C1orf185: variants seen among roughly 807,000 people sequenced by gnomAD.
C1orf185 encodes chromosome 1 open reading frame 185.
Under a neutral mutation model 16.1 loss-of-function variants are expected in C1orf185, and 13 were observed. The ratio of observed to expected loss-of-function variants is 0.81; its 90% confidence interval spans 0.53 to 1.28. C1orf185 has a LOEUF of 1.28. Among genes scored for constraint, C1orf185 ranks in the 50% most tolerant of loss-of-function variants. The pLI is 0.00. For missense variants in C1orf185, 220 were observed against 225.2 expected, an observed-to-expected ratio of 0.98 and a Z score of 0.15; for synonymous variants, 80 against 76.9, an observed-to-expected ratio of 1.04 and a Z score of -0.21.
intron 3 of C1orf185, among the ~76,000 whole-genome samples, chr1:51,123,860 A>T (rs1262456196): frequency 6.6e-6 from 1 of 151,698 alleles, no homozygotes; most frequent in African/African-American, 2.4e-5. Context: ...TGATTTTCTT[A>T]TTGCTGAGTT....
chr1:51,148,575 T>C (rs1001467875), downstream of C1orf185, among the ~76,000 whole-genome samples: 5 of 152,208 alleles, frequency 3.3e-5, no homozygotes, highest in African/African-American at 1.2e-4. Context: ...AATATTACCA[T>C]GTTATGCTTT....
At chr1:51,138,351 A>G (rs11801530) in intron 3 of C1orf185, among the ~76,000 whole-genome samples, 21,144 of 152,226 alleles carry the variant, frequency 0.14, 2,846 homozygotes, top group African/African-American at 0.35. Context: ...ATAGCATTAA[A>G]TGTATTCACG....
intron 2 of C1orf185, 29 bp downstream of exon 2, chr1:51,112,598 C>CT: frequency 6.8e-7 from 1 of 1,475,136 alleles, no homozygotes; most frequent in Non-Finnish European, 9.1e-7. Context: ...TTTCTTTAAC[C>CT]TTTTTTTCTT....
rs531348492 is a variant in C1orf185, at chr1:51,118,162, C to A, written c.123-504C>A. ...CTTGAACTCCTGACCTCAAGTGATC[C>A]GCCCGCCTTGACCTCCCAAAGTGCT... On this transcript the variant is annotated intron_variant, in intron 2 of 4. Coordinates refer to ENST00000371759, the MANE Select transcript of C1orf185 (RefSeq NM_001136508.2). Among the ~76,000 whole-genome samples, 121 of 152,310 alleles carry A rather than the reference C, an allele frequency of 7.9e-4. 2 individuals carry two copies. The highest frequency in any genetic ancestry group is 2.1e-3 in the Admixed American group (32 of 15,300).
At chr1:51,126,487 C>T (rs1382397939) in intron 3 of C1orf185, among the ~76,000 whole-genome samples, 2 of 152,152 alleles carry the variant, frequency 1.3e-5, no homozygotes, top group African/African-American at 4.8e-5. Flanking sequence ...TCTCGAACTC[C>T]TGGGCTCAAG....
chr1:51,125,901 T>C lies in C1orf185; in HGVS notation c.258+7100T>C, dbSNP rs527741241. Among the ~76,000 whole-genome samples, 3 of 152,284 alleles carry C rather than the reference T, an allele frequency of 2.0e-5. No homozygotes were observed. In the South Asian group the frequency reaches 6.2e-4, roughly 32 times the overall value. ...AGCTAGGTGCGGTGGCTCATACTTG[T>C]AATCCCAGCACTTTGGGTTGCTGAG... On this transcript the variant is annotated intron_variant, in intron 3 of 4. Coordinates refer to ENST00000371759, the MANE Select transcript of C1orf185 (RefSeq NM_001136508.2).
At chr1:51,127,738 A>G (rs966009405) in intron 3 of C1orf185, among the ~76,000 whole-genome samples, 68 of 152,082 alleles carry the variant, frequency 4.5e-4, no homozygotes, top group African/African-American at 1.5e-3. Context: ...CTTTCTATTG[A>G]TAAGTGGTAG....
At chr1:51,110,243 T>G (rs1476703652) in intron 1 of C1orf185, among the ~76,000 whole-genome samples, 1 of 152,206 alleles carries the variant, frequency 6.6e-6, no homozygotes, top group African/African-American at 2.4e-5. Flanking sequence ...TTAATGTTTA[T>G]AAAGCACTTT....
chr1:51,129,187 G>A (rs933353138), intron 3 of C1orf185, among the ~76,000 whole-genome samples: 12 of 152,006 alleles, frequency 7.9e-5, no homozygotes, highest in Admixed American at 1.3e-4. Flanking sequence ...GCCTGGCCAC[G>A]CAGCTAAATT....
chr1:51,136,285 T>C, intron 3 of C1orf185, among the ~76,000 whole-genome samples: 1 of 152,058 alleles, frequency 6.6e-6, no homozygotes, highest in East Asian at 1.9e-4. Context: ...ATTGACATTC[T>C]TCATAGAACT....
rs750692109 is a variant in C1orf185 at position 51,147,781 on chromosome 1, AG to A, written c.*11del. The A allele has an allele frequency of 6.7e-7, 1 of 1,491,476 alleles. No homozygotes were observed. Among genetic ancestry groups the A allele is most frequent in the South Asian group, 1.3e-5 (1 of 75,630 alleles). The allele number at this position is 1,491,476 out of a possible 1,614,324, so 92.4% of individuals were successfully genotyped here. On this transcript the variant is annotated 3_prime_UTR_variant, in exon 5 of 5. Transcript: ENST00000371759. ...GAATGACACTTTATGACCATCAAAAAGATGACTACATTAAGGGAAAATGTTC... is the reference window on the plus strand; with the variant it reads ...GAATGACACTTTATGACCATCAAAAAATGACTACATTAAGGGAAAATGTTC...
At chr1:51,137,817 G>A (rs1409612330) in intron 3 of C1orf185, among the ~76,000 whole-genome samples, 3 of 152,140 alleles carry the variant, frequency 2.0e-5, no homozygotes, top group African/African-American at 4.8e-5. Flanking sequence ...CCCATCAGTG[G>A]TAGACTGGAT....
At chr1:51,140,417 A>G (rs771088549) in intron 3 of C1orf185, among the ~76,000 whole-genome samples, 2 of 152,226 alleles carry the variant, frequency 1.3e-5, no homozygotes, top group Non-Finnish European at 2.9e-5. Flanking sequence ...CTGAAATAAT[A>G]CTAGCAGTCT....
rs777736480 is a variant in C1orf185 at position 51,147,554 on chromosome 1, G to T, written c.383G>T (p.Arg128Leu). ...TCAGAGACCAGCTCCACAACAAATCGCAGCAGTGTTACATTAAGCTTATCA... is the reference window on the plus strand; with the variant it reads ...TCAGAGACCAGCTCCACAACAAATCTCAGCAGTGTTACATTAAGCTTATCA... Reference protein sequence around the residue: ...DPSETSSTTNRSSVTLSLSTL... With the variant: ...DPSETSSTTNLSSVTLSLSTL... The change falls in exon 5 of 5, where the codon CGC (arginine) becomes CTC (leucine). Residue 128 changes from arginine (R) to leucine (L), a missense_variant. Physicochemically the swap from Arg to Leu is moderately radical, Grantham distance 102. Coordinates refer to ENST00000371759, the MANE Select transcript of C1orf185 (RefSeq NM_001136508.2). 1.3e-6 allele frequency: 2 copies of T among 1,551,380 alleles called. No homozygotes were observed. Among genetic ancestry groups the T allele is most frequent in the South Asian group, 1.2e-5 (1 of 84,004 alleles).
intron 3 of C1orf185, among the ~76,000 whole-genome samples, chr1:51,128,024 A>G (rs1646254614): frequency 1.3e-5 from 2 of 150,876 alleles, no homozygotes; most frequent in South Asian, 4.2e-4. Flanking sequence ...AGTAGTTGGG[A>G]CTATAGGCGC....
At chr1:51,113,512 T>G (rs1646137986) in intron 2 of C1orf185, among the ~76,000 whole-genome samples, 1 of 151,926 alleles carries the variant, frequency 6.6e-6, no homozygotes, top group South Asian at 2.1e-4. Flanking sequence ...GGTGAAACCC[T>G]CTCTCTACTA....
At chr1:51,126,239 G>A (rs1049525826) in intron 3 of C1orf185, among the ~76,000 whole-genome samples, 1 of 152,248 alleles carries the variant, frequency 6.6e-6, no homozygotes, top group South Asian at 2.1e-4. Context: ...GAGTGAACTG[G>A]TTCTATAATT....
At chr1:51,103,410 A>AAC (rs367808687) in intron 1 of C1orf185, among the ~76,000 whole-genome samples, 1,484 of 128,906 alleles carry the variant, frequency 0.012, 19 homozygotes, top group East Asian at 0.052. Context: ...TGTCTCGAAA[A>AAC]ACACACACAC....
intron 3 of C1orf185, among the ~76,000 whole-genome samples, chr1:51,141,442 G>A (rs145337345): frequency 1.3e-3 from 200 of 152,232 alleles, no homozygotes; most frequent in East Asian, 4.8e-3. Context: ...CCATGAGCCC[G>A]TGATTGCACC....
Sources: allele counts gnomAD v4.1 joint callset (sites outside exome capture counted in the v4.1 genomes callset), GRCh38; gene constraint gnomAD v4.1.1; transcripts MANE v1.5; gene names NCBI Gene and HGNC (gene_info 2026-07-23, HGNC 2026-07-21).